The following CYCS variants were observed in gnomAD, a reference collection of about 807,000 sequenced individuals.
The protein encoded by CYCS is cytochrome c.
For missense variants in CYCS, 87 were observed against 125.3 expected (o/e 0.69, Z 1.46); for synonymous variants, 41 against 43.0 (o/e 0.95, Z 0.18).
rs28376346 is a variant in CYCS at position 25,123,300 on chromosome 7, T to C, written c.*401A>G. On this transcript the variant is annotated 3_prime_UTR_variant, in exon 3 of 3. Coordinates refer to ENST00000305786, the MANE Select transcript of CYCS (RefSeq NM_018947.6). ...CATGAACACAAAACACAGGTGAATC[T>C]TGCTTGGTTCTAAGACAGTGAAGCA... 8.7e-3 allele frequency: 2,008 copies of C among 231,524 alleles called. 47 individuals carry two copies. Among genetic ancestry groups the C allele is most frequent in the African/African-American group, 0.042 (1,840 of 43,594 alleles). 14.3% of individuals were successfully genotyped at this position (231,524 alleles called of 1,614,324 possible). A position where few individuals can be genotyped will look rare whatever the true frequency, so the allele number is the denominator to read the frequency against.
rs1562515945 is a variant in CYCS, at chr7:25,123,868, A to G, written c.170-19T>C. 1 of 1,614,198 alleles carries G rather than the reference A, an allele frequency of 6.2e-7. No homozygotes were observed. The highest frequency in any genetic ancestry group is 8.5e-7 in the Non-Finnish European group (1 of 1,180,034). On this transcript the variant is annotated intron_variant, in intron 2 of 2. Transcript: ENST00000305786. Reference sequence around the variant, plus strand: ...ATGATGCCTAAACAAGAAAGAATGCATCGGTTATTTCACACTCCTGATAGT... The same window carrying G: ...ATGATGCCTAAACAAGAAAGAATGCGTCGGTTATTTCACACTCCTGATAGT...
chr7:25,121,713 G>A lies in CYCS; in HGVS notation c.*1988C>T, dbSNP rs1171930112. 1 of 152,232 alleles carries A rather than the reference G, an allele frequency of 6.6e-6. No individual in the cohort carries two copies. The highest frequency in any genetic ancestry group is 2.4e-5 in the African/African-American group (1 of 41,428). The allele number at this position is 152,232 out of a possible 1,614,324, so 9.4% of individuals were successfully genotyped here. A position where few individuals can be genotyped will look rare whatever the true frequency, so the allele number is the denominator to read the frequency against. On this transcript the variant is annotated 3_prime_UTR_variant, in exon 3 of 3. Transcript: ENST00000305786. ...GGGAGCCAAGGCAAGTGGACGGATT[G>A]CTTGAGCTCAGGAGTTTGAGACCAG...
At position 25,120,701 on chromosome 7, in the gene CYCS, T is replaced by C. The variant is rs1440776225; in HGVS notation, c.*3000A>G. The C allele has an allele frequency of 6.6e-6, 1 of 152,264 alleles. No homozygotes were observed. Among genetic ancestry groups the C allele is most frequent in the Non-Finnish European group, 1.5e-5 (1 of 68,054 alleles). 9.4% of individuals were successfully genotyped at this position (152,264 alleles called of 1,614,324 possible). On this transcript the variant is annotated 3_prime_UTR_variant, in exon 3 of 3. Coordinates refer to ENST00000305786, the MANE Select transcript of CYCS (RefSeq NM_018947.6). ...CTTAAATACATCTGGCCCTTGTTTT[T>C]GATTCTACCAACCTAGCCACTTACA...
At position 25,123,477 on chromosome 7, in the gene CYCS, CAG is replaced by C. The variant is rs1783393451; in HGVS notation, c.*222_*223del. 1.8e-6 allele frequency: 1 copy of C among 543,482 alleles called. No homozygotes were observed. The highest frequency in any genetic ancestry group is 2.0e-5 in the South Asian group (1 of 49,110). The allele number at this position is 543,482 out of a possible 1,614,324, so 33.7% of individuals were successfully genotyped here. A position where few individuals can be genotyped will look rare whatever the true frequency, so the allele number is the denominator to read the frequency against. On this transcript the variant is annotated 3_prime_UTR_variant, in exon 3 of 3. Transcript: ENST00000305786. ...TAATCATATCTTTAAAAGGGGTAAA[CAG>C]TGATACCATTTACTGAATTGGAGTT...
rs556498765 is a variant in CYCS at position 25,123,204 on chromosome 7, T to C, written c.*497A>G. 15 of 169,054 alleles carry C rather than the reference T, an allele frequency of 8.9e-5. No homozygotes were observed. In the South Asian group the frequency reaches 1.2e-3, roughly 13 times the overall value. 10.5% of individuals were successfully genotyped at this position (169,054 alleles called of 1,614,324 possible). A position where few individuals can be genotyped will look rare whatever the true frequency, so the allele number is the denominator to read the frequency against. ...ACAGGGAATTATAATTAGATTGGCA[T>C]AGTTAAGGCCAAAACTATAGACATT... is the stretch of plus-strand genomic sequence containing the variant. On this transcript the variant is annotated 3_prime_UTR_variant, in exon 3 of 3. Coordinates refer to ENST00000305786, the MANE Select transcript of CYCS (RefSeq NM_018947.6).
chr7:25,124,839 T>C (rs1238845264), intron 1 of CYCS: 2 of 152,700 alleles, frequency 1.3e-5, no homozygotes, highest in African/African-American at 4.8e-5. Context: ...CAACAGCTTT[T>C]GCCCTCTGAA....
Position 25,120,729 on chromosome 7 carries a change from G to A in CYCS, c.*2972C>T, listed in dbSNP as rs867547682. On this transcript the variant is annotated 3_prime_UTR_variant, in exon 3 of 3. Coordinates refer to ENST00000305786, the MANE Select transcript of CYCS (RefSeq NM_018947.6). ...TTCTACCAACCTAGCCACTTACAGC[G>A]AAGCACTAGAAATGAAAACATGTGG... is the stretch of plus-strand genomic sequence containing the variant. 2 of 152,236 alleles carry A rather than the reference G, an allele frequency of 1.3e-5. No homozygotes were observed. Among genetic ancestry groups the A allele is most frequent in the Non-Finnish European group, 2.9e-5 (2 of 68,044 alleles). The allele number at this position is 152,236 out of a possible 1,614,324, so 9.4% of individuals were successfully genotyped here.
rs1783386263 is a variant in CYCS at position 25,122,966 on chromosome 7, T to C, written c.*735A>G. Reference sequence around the variant, plus strand: ...CAATCAAATACACAGTTCTACAGTTTTGTTTCTGAATGGCTGTTTAAAGAC... The same window carrying C: ...CAATCAAATACACAGTTCTACAGTTCTGTTTCTGAATGGCTGTTTAAAGAC... On this transcript the variant is annotated 3_prime_UTR_variant, in exon 3 of 3. Coordinates refer to ENST00000305786, the MANE Select transcript of CYCS (RefSeq NM_018947.6). 6.6e-6 allele frequency: 1 copy of C among 152,506 alleles called. No homozygotes were observed. The highest frequency in any genetic ancestry group is 1.5e-5 in the Non-Finnish European group (1 of 68,148). 9.4% of individuals were successfully genotyped at this position (152,506 alleles called of 1,614,324 possible).
chr7:25,119,419 G>A lies in CYCS; in HGVS notation c.*4282C>T, dbSNP rs1783324159. On this transcript the variant is annotated 3_prime_UTR_variant, in exon 3 of 3. Coordinates refer to ENST00000305786, the MANE Select transcript of CYCS (RefSeq NM_018947.6). ...AGCCTCTCAAATAGCTGCAATTACA[G>A]GTGCCGCCACCACGCCCAGCTAGTT... Among the ~76,000 whole-genome samples, 2 of 151,888 alleles carry A rather than the reference G, an allele frequency of 1.3e-5. No individual in the cohort carries two copies. Among genetic ancestry groups the A allele is most frequent in the African/African-American group, 2.4e-5 (1 of 41,376 alleles).
At position 25,122,749 on chromosome 7, in the gene CYCS, A is replaced by C. The variant is rs540807000; in HGVS notation, c.*952T>G. ...CTGCACTGACATTTAGGGCTGCTGC[A>C]CTGACATTTAGGGCTCCTGCACTTT... On this transcript the variant is annotated 3_prime_UTR_variant, in exon 3 of 3. Coordinates refer to ENST00000305786, the MANE Select transcript of CYCS (RefSeq NM_018947.6). The C allele has an allele frequency of 1.3e-5, 2 of 151,980 alleles. No homozygotes were observed. The highest frequency in any genetic ancestry group is 2.9e-5 in the Non-Finnish European group (2 of 67,834). The allele number at this position is 151,980 out of a possible 1,614,324, so 9.4% of individuals were successfully genotyped here.
In CYCS at chr7:25,122,768, G is replaced by C. The variant is rs1005100887; in HGVS notation, c.*933C>G. ...TGCTGCACTGACATTTAGGGCTCCT[G>C]CACTTTTTAATCATTAAAATTTGTG... On this transcript the variant is annotated 3_prime_UTR_variant, in exon 3 of 3. Transcript: ENST00000305786. 10 of 152,168 alleles carry C rather than the reference G, an allele frequency of 6.6e-5. No individual in the cohort carries two copies. The highest frequency in any genetic ancestry group is 2.2e-4 in the African/African-American group (9 of 41,450). 9.4% of individuals were successfully genotyped at this position (152,168 alleles called of 1,614,324 possible). A position where few individuals can be genotyped will look rare whatever the true frequency, so the allele number is the denominator to read the frequency against.
At position 25,123,686 on chromosome 7, in the gene CYCS, G is replaced by A. The variant is rs568608228; in HGVS notation, c.*15C>T. 6.3e-7 allele frequency: 1 copy of A among 1,595,374 alleles called. No homozygotes were observed. The highest frequency in any genetic ancestry group is 1.7e-5 in the Admixed American group (1 of 60,006). Reference sequence around the variant, plus strand: ...GACATTTCTGTTTTGTAATAAATAAGGCAGTGGCCAATTATTACTCATTAG... The same window carrying A: ...GACATTTCTGTTTTGTAATAAATAAAGCAGTGGCCAATTATTACTCATTAG... On this transcript the variant is annotated 3_prime_UTR_variant, in exon 3 of 3. Coordinates refer to ENST00000305786, the MANE Select transcript of CYCS (RefSeq NM_018947.6).
At position 25,120,901 on chromosome 7, in the gene CYCS, G is replaced by C. The variant is rs1375289648; in HGVS notation, c.*2800C>G. ...GCACTTTGGGAGGCCGAGGCAGGTAGATCACCTGACGTCGGGAGTTCAAGA... is the reference window on the plus strand; with the variant it reads ...GCACTTTGGGAGGCCGAGGCAGGTACATCACCTGACGTCGGGAGTTCAAGA... On this transcript the variant is annotated 3_prime_UTR_variant, in exon 3 of 3. Transcript: ENST00000305786. The C allele has an allele frequency of 1.3e-5, 2 of 151,656 alleles. No homozygotes were observed. The highest frequency in any genetic ancestry group is 4.9e-5 in the African/African-American group (2 of 41,172). The allele number at this position is 151,656 out of a possible 1,614,324, so 9.4% of individuals were successfully genotyped here. A position where few individuals can be genotyped will look rare whatever the true frequency, so the allele number is the denominator to read the frequency against.
rs749645080 is a variant in CYCS at position 25,123,826 on chromosome 7, G to A, written c.193C>T (p.Leu65=). Residue 65 remains leucine (L), a synonymous_variant, in exon 3 of 3, where the codon CTG becomes TTG. Transcript: ENST00000305786. The stretch of plus-strand genomic sequence containing the variant: ...TTGGGATTCTCCAAATACTCCATCA[G>A]TGTATCCTCTCCCCAGATGATGCCT... ...NKGIIWGEDT[L]MEYLENPKKY... 1.2e-6 allele frequency: 2 copies of A among 1,614,038 alleles called. No homozygotes were observed. Among genetic ancestry groups the A allele is most frequent in the South Asian group, 2.2e-5 (2 of 91,088 alleles).
At position 25,123,701 on chromosome 7, in the gene CYCS, T is replaced by A; in HGVS notation, c.318A>T (p.Ter106TyrextTer1). The part of the protein sequence containing the change: ...IAYLKKATNE[*>Y] ...TAATAAATAAGGCAGTGGCCAATTA[T>A]TACTCATTAGTAGCTTTTTTGAGAT... The change falls in exon 3 of 3, where the codon TAA becomes TAT. Residue 106 changes from the stop codon to tyrosine (Y), a stop_lost. Transcript: ENST00000305786. 6.3e-7 allele frequency: 1 copy of A among 1,599,528 alleles called. No homozygotes were observed. The highest frequency in any genetic ancestry group is 8.5e-7 in the Non-Finnish European group (1 of 1,179,736).
rs565777563 is a variant in CYCS, at chr7:25,123,941, T to G, written c.169+10A>C. On this transcript the variant is annotated intron_variant, in intron 2 of 2. Coordinates refer to ENST00000305786, the MANE Select transcript of CYCS (RefSeq NM_018947.6). ...ATTTTGTGTTGTTTTATTTAACAAG[T>G]GACTCTTACCTTTGTTCTTATTGGC... 40 of 1,614,174 alleles carry G rather than the reference T, an allele frequency of 2.5e-5. No homozygotes were observed. In the Admixed American group the frequency reaches 2.5e-4, roughly 10 times the overall value.
Position 25,119,701 on chromosome 7 carries a change from A to G in CYCS, c.*4000T>C, listed in dbSNP as rs1227205882. Among the ~76,000 whole-genome samples, 1 of 152,068 alleles carries G rather than the reference A, an allele frequency of 6.6e-6. No homozygotes were observed. Among genetic ancestry groups the G allele is most frequent in the Non-Finnish European group, 1.5e-5 (1 of 68,030 alleles). ...GGCACAAGCAGTCCTCCTGCCTCAG[A>G]GTGGCTGGGACTACAGGTGTGCACC... On this transcript the variant is annotated 3_prime_UTR_variant, in exon 3 of 3. Coordinates refer to ENST00000305786, the MANE Select transcript of CYCS (RefSeq NM_018947.6).
In CYCS at chr7:25,121,950, C is replaced by T. The variant is rs944798456; in HGVS notation, c.*1751G>A. The T allele has an allele frequency of 6.6e-6, 1 of 151,250 alleles. No individual in the cohort carries two copies. The highest frequency in any genetic ancestry group is 2.4e-5 in the African/African-American group (1 of 41,060). 9.4% of individuals were successfully genotyped at this position (151,250 alleles called of 1,614,324 possible). A position where few individuals can be genotyped will look rare whatever the true frequency, so the allele number is the denominator to read the frequency against. On this transcript the variant is annotated 3_prime_UTR_variant, in exon 3 of 3. Coordinates refer to ENST00000305786, the MANE Select transcript of CYCS (RefSeq NM_018947.6). ...TCAAAAAACAAACTAAACGCCACAA[C>T]TAGCCAAGATGGAAGGTTGAACACA... is the stretch of plus-strand genomic sequence containing the variant.
rs778394280 is a variant in CYCS at position 25,123,948 on chromosome 7, T to A, written c.169+3A>T. On this transcript the variant is annotated splice_donor_region_variant and intron_variant, in intron 2 of 2. Coordinates refer to ENST00000305786, the MANE Select transcript of CYCS (RefSeq NM_018947.6). ...GTTGTTTTATTTAACAAGTGACTCT[T>A]ACCTTTGTTCTTATTGGCGGCTGTG... The A allele has an allele frequency of 3.1e-6, 5 of 1,614,224 alleles. No homozygotes were observed. The South Asian group carries it at 5.5e-5, about 18-fold the overall frequency.
Sources: allele counts gnomAD v4.1 joint callset (sites outside exome capture counted in the v4.1 genomes callset), GRCh38; gene constraint gnomAD v4.1.1; transcripts MANE v1.5; gene names NCBI Gene and HGNC (gene_info 2026-07-23, HGNC 2026-07-21).